The following CCDC93 variants were observed in gnomAD, a reference collection of about 807,000 sequenced individuals.
CCDC93 encodes coiled-coil domain-containing protein 93.
In CCDC93, 61 loss-of-function variants were observed where a neutral mutation model predicts 108.2. The ratio of observed to expected loss-of-function variants is 0.56; its 90% confidence interval spans 0.46 to 0.70. The LOEUF is 0.70. CCDC93 is among the 30% of genes least tolerant of loss of function. The probability of loss-of-function intolerance (pLI) is 0.00; values close to 1 mark genes in which losing one functional copy is unlikely to be tolerated. For synonymous variants in CCDC93, 276 were observed against 260.4 expected, an observed-to-expected ratio of 1.06 and a Z score of -0.58; for missense variants, 685 against 764.2, an observed-to-expected ratio of 0.90 and a Z score of 1.22.
rs982118762 is a variant in CCDC93, at chr2:117,919,253, A to G, written c.*1090T>C. 3.9e-5 allele frequency: 6 copies of G among 152,206 alleles called. No individual in the cohort carries two copies. The highest frequency in any genetic ancestry group is 8.8e-5 in the Non-Finnish European group (6 of 68,080). The allele number at this position is 152,206 out of a possible 1,614,324, so 9.4% of individuals were successfully genotyped here. The stretch of plus-strand genomic sequence containing the variant: ...GTCTCTGAAGCCTCCTGCAGAGACT[A>G]GCTTATTCCCTCCTTTCCCAACATG... On this transcript the variant is annotated 3_prime_UTR_variant, in exon 24 of 24. Coordinates refer to ENST00000376300, the MANE Select transcript of CCDC93 (RefSeq NM_019044.5).
At chr2:118,008,195 T>C (rs1020252816) in intron 2 of CCDC93, among the ~76,000 whole-genome samples, 4 of 152,242 alleles carry the variant, frequency 2.6e-5, no homozygotes, top group Non-Finnish European at 4.4e-5. Context: ...CAACCGTCTG[T>C]GAGCACGCTG....
chr2:117,991,782 A>T (rs1487581275), intron 6 of CCDC93, among the ~76,000 whole-genome samples: 1 of 152,214 alleles, frequency 6.6e-6, no homozygotes, highest in African/African-American at 2.4e-5. Flanking sequence ...TTTTCCATTC[A>T]CAACTTAAAA....
At chr2:118,002,459 G>C (rs1453186508) in intron 3 of CCDC93, among the ~76,000 whole-genome samples, 2 of 152,162 alleles carry the variant, frequency 1.3e-5, no homozygotes, top group African/African-American at 4.8e-5. Context: ...AACACATTAA[G>C]AAACAGTGTC....
intron 7 of CCDC93, among the ~76,000 whole-genome samples, chr2:117,983,542 C>T (rs1374050930): frequency 6.6e-6 from 1 of 151,700 alleles, no homozygotes; most frequent in Non-Finnish European, 1.5e-5. Flanking sequence ...ACTGTTGCTG[C>T]TAATAATGAT....
chr2:117,971,809 G>A (rs976595136), intron 11 of CCDC93, among the ~76,000 whole-genome samples: 5 of 152,202 alleles, frequency 3.3e-5, no homozygotes, highest in African/African-American at 1.2e-4. Context: ...AACAAGCACT[G>A]CAAAATAATA....
rs552571991 is a variant in CCDC93 at position 117,928,282 on chromosome 2, G to T, written c.1842+2755C>A. ...AAGTGGGATCTCATTAAACTAAAGA[G>T]CTTCTGCACAGCAAAATAAACTACC... On this transcript the variant is annotated intron_variant, in intron 23 of 23. Transcript: ENST00000376300. 3.3e-5 allele frequency among the ~76,000 whole-genome samples: 5 copies of T among 152,268 alleles called. 1 individual carries two copies. In the East Asian group the frequency reaches 9.6e-4, roughly 29 times the overall value.
chr2:117,920,240 CTG>C lies in CCDC93; in HGVS notation c.*101_*102del. On this transcript the variant is annotated 3_prime_UTR_variant, in exon 24 of 24. Coordinates refer to ENST00000376300, the MANE Select transcript of CCDC93 (RefSeq NM_019044.5). ...ATCCAGGTTGTTGAAATCATCACAA[CTG>C]CATCTCTCTACTGTCGCTTTCAGAA... 3 of 708,728 alleles carry C rather than the reference CTG, an allele frequency of 4.2e-6. No individual in the cohort carries two copies. The highest frequency in any genetic ancestry group is 7.3e-6 in the Non-Finnish European group (3 of 413,282). 43.9% of individuals were successfully genotyped at this position (708,728 alleles called of 1,614,324 possible).
chr2:117,927,481 G>C (rs1336334061), intron 23 of CCDC93, among the ~76,000 whole-genome samples: 1 of 151,390 alleles, frequency 6.6e-6, no homozygotes, highest in Non-Finnish European at 1.5e-5. Context: ...AACAGACAGA[G>C]AGCCAAATCA....
At chr2:117,944,154 A>C in intron 17 of CCDC93, 68 bp from the exon 18 acceptor site, 1 of 1,138,980 alleles carries the variant, frequency 8.8e-7, no homozygotes, top group South Asian at 1.5e-5. Flanking sequence ...GAGTCTTTGA[A>C]AGTTGAATAT....
chr2:117,939,155 A>G (rs1319875214), intron 19 of CCDC93, 44 bp from the exon 20 acceptor site: 1 of 1,202,188 alleles, frequency 8.3e-7, no homozygotes. Flanking sequence ...AACAGGTATC[A>G]GAACACCCTA....
chr2:117,968,343 C>T (rs1039776843), intron 11 of CCDC93, among the ~76,000 whole-genome samples: 1 of 152,160 alleles, frequency 6.6e-6, no homozygotes, highest in Non-Finnish European at 1.5e-5. Context: ...ATAGATTCTT[C>T]TTCCCTGTAA....
intron 23 of CCDC93, among the ~76,000 whole-genome samples, chr2:117,921,061 C>G (rs1677848142): frequency 6.6e-6 from 1 of 151,612 alleles, no homozygotes; most frequent in Non-Finnish European, 1.5e-5. Flanking sequence ...CCTGTAGTCC[C>G]AGCTACTCAG....
chr2:117,925,818 C>A (rs1573458225), intron 23 of CCDC93, among the ~76,000 whole-genome samples: 2 of 152,298 alleles, frequency 1.3e-5, no homozygotes, highest in South Asian at 4.1e-4. Flanking sequence ...AATATACATT[C>A]TTCTCAGCAC....
chr2:117,964,738 G>C (rs1419113631), intron 11 of CCDC93, among the ~76,000 whole-genome samples: 1 of 152,086 alleles, frequency 6.6e-6, no homozygotes, highest in African/African-American at 2.4e-5. Context: ...AGCTGGGACT[G>C]GAGGTACATG....
intron 23 of CCDC93, among the ~76,000 whole-genome samples, chr2:117,927,914 A>G (rs915454908): frequency 1.3e-5 from 2 of 152,232 alleles, no homozygotes; most frequent in Non-Finnish European, 2.9e-5. Context: ...AAACAGAGAT[A>G]TAGACCAATG....
chr2:118,008,393 T>C (rs1009342652), intron 2 of CCDC93, 152 bp downstream of exon 2: 13 of 577,034 alleles, frequency 2.3e-5, no homozygotes, highest in South Asian at 1.4e-4. Context: ...GAAAAGAAGT[T>C]TGAACACTTC....
intron 23 of CCDC93, among the ~76,000 whole-genome samples, chr2:117,927,015 A>C (rs1315348291): frequency 2.0e-5 from 3 of 152,168 alleles, no homozygotes; most frequent in Non-Finnish European, 2.9e-5. Context: ...CCAAAGACAA[A>C]AACCACATGA....
intron 14 of CCDC93, 95 bp from the exon 15 acceptor site, chr2:117,948,281 C>T: frequency 2.5e-6 from 2 of 798,840 alleles, no homozygotes; most frequent in East Asian, 2.5e-5. Flanking sequence ...AAGGACTCTC[C>T]TTTTAATTTC....
At chr2:117,983,220 T>C (rs903991664) in intron 7 of CCDC93, among the ~76,000 whole-genome samples, 4 of 152,186 alleles carry the variant, frequency 2.6e-5, no homozygotes, top group African/African-American at 7.2e-5. Flanking sequence ...CATGGTCTGA[T>C]TCATTTCCCC....
Sources: gnomAD v4.1 joint callset for allele counts (sites outside exome capture counted in the v4.1 genomes callset) on GRCh38, gnomAD v4.1.1 for gene constraint, MANE v1.5 for transcripts, NCBI Gene and HGNC (gene_info 2026-07-23, HGNC 2026-07-21) for gene names.